The following POU2AF2 variants were observed in gnomAD, a reference collection of about 807,000 sequenced individuals.
POU2AF2 encodes POU class 2 homeobox associating factor 2, also known as POU domain class 2-associating factor 2.
chr11:111,251,995 G>C, the POU2AF2 span, among the ~76,000 whole-genome samples: 1 of 152,200 alleles, frequency 6.6e-6, no homozygotes, highest in Non-Finnish European at 1.5e-5. Context: ...TAGAATAGGT[G>C]TATTTCCCCT....
At chr11:111,267,845 G>A in the POU2AF2 span, among the ~76,000 whole-genome samples, 7 of 152,144 alleles carry the variant, frequency 4.6e-5, no homozygotes, top group Middle Eastern at 3.2e-3. Flanking sequence ...TTTCCTTAAG[G>A]CTTTACCTTC....
chr11:111,276,453 A>AAAAAAAAAAAAATATATAT, the POU2AF2 span, among the ~76,000 whole-genome samples: 1 of 37,674 alleles, frequency 2.7e-5, no homozygotes, highest in Non-Finnish European at 5.0e-5. Flanking sequence ...AAAAAAAAAA[A>AAAAAAAAAAAAATATATAT]ATATATATAT....
chr11:111,285,463 T>C, the POU2AF2 span, among the ~76,000 whole-genome samples: 1 of 152,194 alleles, frequency 6.6e-6, no homozygotes, highest in Admixed American at 6.5e-5. Flanking sequence ...AATCTAATTC[T>C]AGAGTAGGAA....
At chr11:111,266,303 T>C in the POU2AF2 span, among the ~76,000 whole-genome samples, 1 of 152,158 alleles carries the variant, frequency 6.6e-6, no homozygotes, top group Non-Finnish European at 1.5e-5. Flanking sequence ...TGGGTGCAGC[T>C]GTTTCTCCTC....
chr11:111,259,757 C>T, the POU2AF2 span, among the ~76,000 whole-genome samples: 2 of 152,208 alleles, frequency 1.3e-5, no homozygotes, highest in African/African-American at 4.8e-5. Flanking sequence ...CCGGTTCTAA[C>T]CATGGTAGCT....
At chr11:111,268,484 TTTATTTTATTTTA>T in the POU2AF2 span, among the ~76,000 whole-genome samples, 78 of 44,714 alleles carry the variant, frequency 1.7e-3, 5 homozygotes, top group Admixed American at 3.8e-3. Context: ...CTTTTTTTAT[TTTATTTTATTTTA>T]TTTTATTTTA....
the POU2AF2 span, chr11:111,284,206 CT>C: frequency 6.2e-7 from 1 of 1,614,226 alleles, no homozygotes; most frequent in Non-Finnish European, 8.5e-7. Flanking sequence ...CCTGTGAGTC[CT>C]CCGCAGGGCA....
At chr11:111,267,307 G>T in the POU2AF2 span, among the ~76,000 whole-genome samples, 2 of 152,048 alleles carry the variant, frequency 1.3e-5, no homozygotes, top group Admixed American at 6.6e-5. Flanking sequence ...ACCACTCCTG[G>T]ACCCCCTGGC....
chr11:111,280,999 C>T, the POU2AF2 span, among the ~76,000 whole-genome samples: 1 of 152,156 alleles, frequency 6.6e-6, no homozygotes, highest in Non-Finnish European at 1.5e-5. Context: ...AGGTGTGGTG[C>T]TATCCTCAGT....
At chr11:111,260,541 C>T in the POU2AF2 span, among the ~76,000 whole-genome samples, 1 of 152,002 alleles carries the variant, frequency 6.6e-6, no homozygotes, top group African/African-American at 2.4e-5. Context: ...ACACACACAC[C>T]GGGGAGAAGA....
chr11:111,264,504 GAA>G, the POU2AF2 span, among the ~76,000 whole-genome samples: 1 of 14,182 alleles, frequency 7.1e-5, no homozygotes, highest in Non-Finnish European at 1.5e-4. Context: ...AAGAAAGAAA[GAA>G]AGAAAGAAAG....
chr11:111,276,456 ATATATATATATATAT>A, the POU2AF2 span, among the ~76,000 whole-genome samples: 3 of 36,578 alleles, frequency 8.2e-5, no homozygotes, highest in Non-Finnish European at 1.9e-4. Context: ...AAAAAAAAAT[ATATATATATATATAT>A]ATATATATAT....
the POU2AF2 span, chr11:111,285,589 C>A: frequency 6.5e-7 from 1 of 1,534,520 alleles, no homozygotes; most frequent in Non-Finnish European, 8.8e-7. Context: ...AGTCTGGCAG[C>A]ACACAATGTA....
At chr11:111,265,613 C>A in the POU2AF2 span, among the ~76,000 whole-genome samples, 1 of 152,062 alleles carries the variant, frequency 6.6e-6, no homozygotes, top group African/African-American at 2.4e-5. Flanking sequence ...ATATGGCATG[C>A]TGTAAATGCT....
the POU2AF2 span, among the ~76,000 whole-genome samples, chr11:111,246,456 C>T: frequency 6.6e-6 from 1 of 152,164 alleles, no homozygotes; most frequent in Non-Finnish European, 1.5e-5. Flanking sequence ...GCAAAGCCCA[C>T]CTGTTCGCGA....
chr11:111,252,599 A>C, the POU2AF2 span, among the ~76,000 whole-genome samples: 2 of 151,396 alleles, frequency 1.3e-5, no homozygotes, highest in Non-Finnish European at 2.9e-5. Context: ...CCACACCCTG[A>C]CTTTCTGTAT....
At chr11:111,285,551 G>C in the POU2AF2 span, 4 of 1,270,444 alleles carry the variant, frequency 3.1e-6, no homozygotes, top group Non-Finnish European at 4.3e-6. Flanking sequence ...GCAGCAGAGA[G>C]AGGGGACGAA....
At chr11:111,248,803 C>T in the POU2AF2 span, among the ~76,000 whole-genome samples, 128 of 152,168 alleles carry the variant, frequency 8.4e-4, no homozygotes, top group Middle Eastern at 3.4e-3. Flanking sequence ...GCTTTAAGTG[C>T]CATAAGTGTA....
the POU2AF2 span, among the ~76,000 whole-genome samples, chr11:111,277,637 T>C: frequency 6.6e-6 from 1 of 152,284 alleles, no homozygotes; most frequent in African/African-American, 2.4e-5. Flanking sequence ...GCTCATCGGA[T>C]TGGGCATGTG....
Sources: allele counts gnomAD v4.1 joint callset (sites outside exome capture counted in the v4.1 genomes callset), GRCh38; gene constraint gnomAD v4.1.1; transcripts MANE v1.5; gene names NCBI Gene and HGNC (gene_info 2026-07-23, HGNC 2026-07-21).